NOSTRIN: variants seen among roughly 807,000 people sequenced by gnomAD.
NOSTRIN encodes the protein BM247 homolog.
In NOSTRIN, 63 loss-of-function variants were observed where a neutral mutation model predicts 59.0. The observed-to-expected ratio is 1.07, with a 90% CI of 0.87 to 1.32. NOSTRIN has a LOEUF of 1.32. NOSTRIN is among the 40% of genes most tolerant of loss of function. The pLI is 0.00. For synonymous variants in NOSTRIN, 200 were observed against 165.4 expected (o/e 1.21, Z -1.61); for missense variants, 512 against 473.1 (o/e 1.08, Z -0.76).
chr2:168,788,318 T>C (rs1685258087), intron 2 of NOSTRIN, among the ~76,000 whole-genome samples: 1 of 152,148 alleles, frequency 6.6e-6, no homozygotes, highest in African/African-American at 2.4e-5. Context: ...TTCCCTTCTC[T>C]TCCTGAACTG....
chr2:168,806,269 C>A (rs1016773017), intron 1 of NOSTRIN, among the ~76,000 whole-genome samples: 4 of 151,538 alleles, frequency 2.6e-5, no homozygotes, highest in Admixed American at 1.3e-4. Context: ...CATCACTAAT[C>A]AAAAAAAATC....
intron 10 of NOSTRIN, among the ~76,000 whole-genome samples, chr2:168,852,588 C>T (rs1015038642): frequency 1.3e-5 from 2 of 152,204 alleles, no homozygotes; most frequent in African/African-American, 4.8e-5. Context: ...GGGTGTCACT[C>T]TTCTCCGATA....
intron 7 of NOSTRIN, among the ~76,000 whole-genome samples, chr2:168,840,336 C>A (rs1040657790): frequency 3.3e-5 from 5 of 151,992 alleles, no homozygotes; most frequent in South Asian, 2.1e-4. Context: ...CGAGACCATC[C>A]GGGCTAACAT....
At position 168,843,134 on chromosome 2, in the gene NOSTRIN, C is replaced by T; in HGVS notation, c.630+17C>T. The T allele has an allele frequency of 1.2e-6, 1 of 859,034 alleles. No individual in the cohort carries two copies. Among genetic ancestry groups the T allele is most frequent in the South Asian group, 1.3e-5 (1 of 74,160 alleles). 53.2% of individuals were successfully genotyped at this position (859,034 alleles called of 1,614,324 possible). On this transcript the variant is annotated intron_variant, in intron 8 of 15. Coordinates refer to ENST00000317647, the MANE Select transcript of NOSTRIN (RefSeq NM_001039724.4). ...TGCTACCAGGTAAGTTATATATTCA[C>T]ATTTTTTTCTTCTTCTGTGGAGCTT...
intron 1 of NOSTRIN, 41 bp downstream of exon 1, chr2:168,802,714 G>T (rs1685658073): frequency 2.3e-6 from 2 of 861,260 alleles, no homozygotes; most frequent in East Asian, 2.4e-5. Flanking sequence ...CGTGTGAGGA[G>T]GGTGGAGGGT....
chr2:168,804,853 C>T (rs1205676812), intron 1 of NOSTRIN, among the ~76,000 whole-genome samples: 1 of 152,144 alleles, frequency 6.6e-6, no homozygotes, highest in Non-Finnish European at 1.5e-5. Context: ...TACTATTAGT[C>T]ATATCTGTAT....
intron 15 of NOSTRIN, among the ~76,000 whole-genome samples, 175 bp from the exon 16 acceptor site, chr2:168,864,659 A>C (rs2105810504): frequency 6.6e-6 from 1 of 152,278 alleles, no homozygotes; most frequent in South Asian, 2.1e-4. Context: ...TATCCTCTGG[A>C]TTATGCCTGC....
chr2:168,806,539 A>G (rs1685860255), intron 1 of NOSTRIN, among the ~76,000 whole-genome samples: 1 of 152,066 alleles, frequency 6.6e-6, no homozygotes, highest in Non-Finnish European at 1.5e-5. Flanking sequence ...CCGAATGGGA[A>G]ATGTCTGTCA....
Position 168,865,082 on chromosome 2 carries a change from G to C in NOSTRIN, c.*112G>C. The stretch of plus-strand genomic sequence containing the variant: ...ATGTTTTTCTTTTGAAATGGATGGA[G>C]TTCTACCTGCATGTCACAGCACTTT... On this transcript the variant is annotated 3_prime_UTR_variant, in exon 16 of 16. Transcript: ENST00000317647. 2 of 1,145,990 alleles carry C rather than the reference G, an allele frequency of 1.7e-6. No individual in the cohort carries two copies. The highest frequency in any genetic ancestry group is 2.5e-6 in the Non-Finnish European group (2 of 810,432). 71.0% of individuals were successfully genotyped at this position (1,145,990 alleles called of 1,614,324 possible). A position where few individuals can be genotyped will look rare whatever the true frequency, so the allele number is the denominator to read the frequency against.
At chr2:168,859,462 T>G (rs953011794) in intron 12 of NOSTRIN, 50 bp from the exon 13 acceptor site, 10 of 1,607,170 alleles carry the variant, frequency 6.2e-6, no homozygotes, top group Non-Finnish European at 8.5e-6. Flanking sequence ...TATCCAGTTG[T>G]GCCTCATTTA....
chr2:168,860,645 T>C (rs1689376388), intron 13 of NOSTRIN, 150 bp from the exon 14 acceptor site: 1 of 574,972 alleles, frequency 1.7e-6, no homozygotes. Context: ...CACTCCAGCC[T>C]GGGTGACAGG....
chr2:168,797,072 C>CTTTT (rs1168296049), upstream of NOSTRIN, among the ~76,000 whole-genome samples: 1 of 85,352 alleles, frequency 1.2e-5, no homozygotes, highest in African/African-American at 4.0e-5. Context: ...CTTTCTTTTT[C>CTTTT]TTTTTTCTTT....
At chr2:168,797,072 CTTTTTTCTT>C (rs1392498600), upstream of NOSTRIN, among the ~76,000 whole-genome samples, 75 of 85,334 alleles carry the variant, frequency 8.8e-4, no homozygotes, top group South Asian at 2.2e-3. Flanking sequence ...CTTTCTTTTT[CTTTTTTCTT>C]TTTTTTTTTT....
At chr2:168,829,059 T>C (rs1037250374) in intron 5 of NOSTRIN, among the ~76,000 whole-genome samples, 12 of 152,190 alleles carry the variant, frequency 7.9e-5, no homozygotes, top group Non-Finnish European at 4.4e-5. Context: ...AATAAGAGAA[T>C]GATAAGCACA....
At chr2:168,858,197 C>T (rs1403450938) in intron 12 of NOSTRIN, among the ~76,000 whole-genome samples, 2 of 152,212 alleles carry the variant, frequency 1.3e-5, no homozygotes, top group Non-Finnish European at 2.9e-5. Context: ...TGGGTCCTCT[C>T]ACCTGAAGCA....
intron 6 of NOSTRIN, 108 bp from the exon 7 acceptor site, chr2:168,834,119 T>C: frequency 3.1e-6 from 2 of 653,406 alleles, no homozygotes; most frequent in Non-Finnish European, 5.5e-6. Flanking sequence ...CTAGGATACA[T>C]AATTGTTAAA....
intron 1 of NOSTRIN, among the ~76,000 whole-genome samples, chr2:168,809,610 TC>T (rs1410105411): frequency 6.6e-6 from 1 of 151,914 alleles, no homozygotes; most frequent in Admixed American, 6.6e-5. Flanking sequence ...TTACTGCAGG[TC>T]TTCTCACAAT....
upstream of NOSTRIN, chr2:168,802,611 C>T (rs780379953): frequency 3.2e-5 from 28 of 864,588 alleles, no homozygotes; most frequent in Non-Finnish European, 5.0e-5. Context: ...AATGCTGGAG[C>T]GTAGGTGAAA....
chr2:168,857,911 C>G (rs564752365), intron 12 of NOSTRIN, among the ~76,000 whole-genome samples: 4 of 152,172 alleles, frequency 2.6e-5, no homozygotes, highest in Non-Finnish European at 4.4e-5. Flanking sequence ...GATAGGCTTT[C>G]TTGAGTAAGG....
Sources: gnomAD v4.1 joint callset for allele counts (sites outside exome capture counted in the v4.1 genomes callset) on GRCh38, gnomAD v4.1.1 for gene constraint, MANE v1.5 for transcripts, NCBI Gene and HGNC (gene_info 2026-07-23, HGNC 2026-07-21) for gene names.